GPC3: variants seen among roughly 807,000 people sequenced by gnomAD.
The protein encoded by GPC3 is glypican-3.
GPC3 carries 3 observed loss-of-function variants against 34.4 expected under a neutral mutation model. That is an observed-to-expected ratio of 0.09 (90% CI 0.04 to 0.23). The LOEUF is 0.23. GPC3 is among the 10% of genes least tolerant of loss of function. The pLI, the probability that GPC3 is intolerant of heterozygous loss-of-function variation, is 1.00. For synonymous variants in GPC3, 177 were observed against 174.0 expected, an observed-to-expected ratio of 1.02 and a Z score of -0.13; for missense variants, 351 against 445.6, an observed-to-expected ratio of 0.79 and a Z score of 1.91.
At chrX:133,661,507 A>G (rs1215941707) in intron 6 of GPC3, among the ~76,000 whole-genome samples, 3 of 107,948 alleles carry the variant, frequency 2.8e-5, no homozygotes, top group African/African-American at 6.7e-5. Flanking sequence ...AAGAAATAAT[A>G]GCGTCTTTCC....
chrX:133,734,893 T>C lies in GPC3; in HGVS notation c.1032+18589A>G, dbSNP rs1443874045. Among the ~76,000 whole-genome samples the C allele has an allele frequency of 5.4e-5, 6 of 112,011 alleles. No individual in the cohort carries two copies. In the East Asian group the frequency reaches 1.7e-3, roughly 31 times the overall value. On this transcript the variant is annotated intron_variant, in intron 3 of 7. Coordinates refer to ENST00000370818, the MANE Select transcript of GPC3 (RefSeq NM_004484.4). ...AATTCCATTTACAATAACTTGAAGA[T>C]GATAATATTTAGGAATAAATTTAGC...
intron 2 of GPC3, among the ~76,000 whole-genome samples, chrX:133,888,921 T>C (rs976216857): frequency 1.8e-5 from 2 of 112,221 alleles, no homozygotes; most frequent in Admixed American, 1.9e-4. Flanking sequence ...GATGGCTTGA[T>C]ATGACAAGCC....
chrX:133,963,859 A>G (rs952634560), intron 1 of GPC3, among the ~76,000 whole-genome samples: 2 of 112,098 alleles, frequency 1.8e-5, no homozygotes, highest in Non-Finnish European at 3.8e-5. Flanking sequence ...AACAAATATT[A>G]GTCAACAATG....
intron 6 of GPC3, among the ~76,000 whole-genome samples, chrX:133,621,959 G>A (rs2070237758): frequency 8.9e-6 from 1 of 112,021 alleles, no homozygotes; most frequent in African/African-American, 3.2e-5. Flanking sequence ...GAAGCTTCCA[G>A]AGGAACTATC....
At chrX:133,817,209 CTT>C (rs988508137) in intron 2 of GPC3, among the ~76,000 whole-genome samples, 1 of 111,426 alleles carries the variant, frequency 9.0e-6, no homozygotes, top group Non-Finnish European at 1.9e-5. Flanking sequence ...TCCCTCCTCT[CTT>C]CTTCCCTTCT....
intron 1 of GPC3, among the ~76,000 whole-genome samples, chrX:133,971,969 T>C (rs1247734532): frequency 2.7e-5 from 3 of 112,085 alleles, no homozygotes; most frequent in Admixed American, 9.5e-5. Context: ...AACTGGATAT[T>C]GTTGGGAAAA....
intron 7 of GPC3, among the ~76,000 whole-genome samples, chrX:133,540,091 C>T: frequency 8.9e-6 from 1 of 112,056 alleles, no homozygotes. Context: ...AGAAAGGGCT[C>T]AGTTAAAGGC....
chrX:133,963,529 G>A (rs892086977), intron 1 of GPC3, among the ~76,000 whole-genome samples: 1 of 109,453 alleles, frequency 9.1e-6, no homozygotes, highest in African/African-American at 3.3e-5. Flanking sequence ...TCCTGTCTCT[G>A]AAGCACTCTT....
intron 2 of GPC3, among the ~76,000 whole-genome samples, chrX:133,861,555 T>C (rs759288265): frequency 2.7e-5 from 3 of 111,624 alleles, no homozygotes; most frequent in Non-Finnish European, 3.8e-5. Flanking sequence ...CCCAATTTCA[T>C]ACAGGAAGTT....
At chrX:133,887,225 T>C (rs1350189280) in intron 2 of GPC3, among the ~76,000 whole-genome samples, 1 of 112,536 alleles carries the variant, frequency 8.9e-6, no homozygotes, top group Non-Finnish European at 1.9e-5. Context: ...CAGGCTTATC[T>C]TCAGTTTTTT....
Position 133,702,233 on chromosome X carries a change from C to T in GPC3, c.1033-2205G>A, listed in dbSNP as rs575620260. Among the ~76,000 whole-genome samples, 65 of 111,919 alleles carry T rather than the reference C, an allele frequency of 5.8e-4. No homozygotes were observed. The Middle Eastern group carries it at 0.014, about 24-fold the overall frequency. Reference sequence around the variant, plus strand: ...ATAAATGAGGGCAGACTGTGTATTACCACTTTCTGTCTGAAGACATATACA... The same window carrying T: ...ATAAATGAGGGCAGACTGTGTATTATCACTTTCTGTCTGAAGACATATACA... On this transcript the variant is annotated intron_variant, in intron 3 of 7. Transcript: ENST00000370818.
intron 3 of GPC3, among the ~76,000 whole-genome samples, chrX:133,750,919 C>A (rs1712233167): frequency 9.3e-6 from 1 of 108,088 alleles, no homozygotes; most frequent in South Asian, 4.2e-4. Flanking sequence ...ACTAAAAATA[C>A]AGAATTAGCC....
intron 2 of GPC3, among the ~76,000 whole-genome samples, chrX:133,936,426 A>G (rs1478762796): frequency 1.8e-5 from 2 of 110,501 alleles, no homozygotes; most frequent in Non-Finnish European, 3.8e-5. Flanking sequence ...CATAAACAGG[A>G]CAAGAAATCA....
intron 2 of GPC3, among the ~76,000 whole-genome samples, chrX:133,781,290 G>C (rs1047274935): frequency 7.2e-5 from 8 of 111,750 alleles, no homozygotes; most frequent in African/African-American, 2.6e-4. Context: ...AAAATGTAAT[G>C]GGAGTGTTTT....
chrX:133,617,781 A>G (rs2070182487), intron 6 of GPC3, among the ~76,000 whole-genome samples: 1 of 111,163 alleles, frequency 9.0e-6, no homozygotes, highest in Admixed American at 9.6e-5. Flanking sequence ...GAAATATGGT[A>G]CCTAGTTATC....
At chrX:133,548,095 T>C (rs1292746845) in intron 7 of GPC3, among the ~76,000 whole-genome samples, 1 of 112,620 alleles carries the variant, frequency 8.9e-6, no homozygotes, top group Non-Finnish European at 1.9e-5. Flanking sequence ...TCTGTCCTTA[T>C]AACATTTTCA....
chrX:133,832,661 C>T (rs936197321), intron 2 of GPC3, among the ~76,000 whole-genome samples: 1 of 111,417 alleles, frequency 9.0e-6, no homozygotes, highest in African/African-American at 3.3e-5. Flanking sequence ...TGCATAAATC[C>T]GTATGATACT....
intron 2 of GPC3, among the ~76,000 whole-genome samples, chrX:133,869,095 C>T (rs774739112): frequency 2.0e-4 from 22 of 111,959 alleles, no homozygotes; most frequent in Non-Finnish European, 3.6e-4. Context: ...AAGTCTTCCT[C>T]CAGTATTCAG....
intron 2 of GPC3, among the ~76,000 whole-genome samples, chrX:133,809,826 C>T (rs1412317554): frequency 9.0e-6 from 1 of 111,402 alleles, no homozygotes; most frequent in East Asian, 2.8e-4. Flanking sequence ...TAAAACTCAT[C>T]TGTATGTTTT....
Sources: gnomAD v4.1 joint callset for allele counts (sites outside exome capture counted in the v4.1 genomes callset) on GRCh38, gnomAD v4.1.1 for gene constraint, MANE v1.5 for transcripts, NCBI Gene and HGNC (gene_info 2026-07-23, HGNC 2026-07-21) for gene names.